COL19A1: variants seen among roughly 807,000 people sequenced by gnomAD.
COL19A1 encodes the protein collagen alpha-1(XIX) chain.
In COL19A1, 159 loss-of-function variants were observed where a neutral mutation model predicts 190.2. The observed-to-expected ratio is 0.84, with a 90% CI of 0.73 to 0.95. The LOEUF is 0.95. COL19A1 is among the 40% of genes least tolerant of loss of function. The pLI is 0.00. For synonymous variants in COL19A1, 509 were observed against 458.9 expected, an observed-to-expected ratio of 1.11 and a Z score of -1.39; for missense variants, 1,418 against 1,431.9, an observed-to-expected ratio of 0.99 and a Z score of 0.16.
At chr6:70,073,201 T>G (rs1251379216) in intron 15 of COL19A1, among the ~76,000 whole-genome samples, 1 of 152,098 alleles carries the variant, frequency 6.6e-6, no homozygotes, top group Non-Finnish European at 1.5e-5. Context: ...TTGGTCAGGC[T>G]GGTCTCAAAC....
At chr6:69,877,199 G>A (rs1236538110) in intron 1 of COL19A1, among the ~76,000 whole-genome samples, 1 of 152,134 alleles carries the variant, frequency 6.6e-6, no homozygotes, top group Non-Finnish European at 1.5e-5. Flanking sequence ...TCTTAGAATA[G>A]CTATTTTAAT....
chr6:69,870,449 A>G (rs1013438979), intron 1 of COL19A1, among the ~76,000 whole-genome samples: 1 of 152,224 alleles, frequency 6.6e-6, no homozygotes, highest in Non-Finnish European at 1.5e-5. Context: ...TTTGAGCTAC[A>G]CGTTGAAGGC....
Position 70,130,197 on chromosome 6 carries a change from G to A in COL19A1, c.1357G>A (p.Glu453Lys), listed in dbSNP as rs1785438096. ...NKDNKGNDEH[E>K]AGGLKGDKGE... ...TCACCCCTAGGGAAATGATGAACAT[G>A]AAGCTGGAGGCCTGAAAGGAGACAA... Residue 453 changes from glutamate to lysine, a missense_variant, in exon 18 of 51, where the codon GAA becomes AAA. Glu to Lys is a moderately conservative substitution (Grantham distance 56). Coordinates refer to ENST00000620364, the MANE Select transcript of COL19A1 (RefSeq NM_001858.6). 1 of 1,611,906 alleles carries A rather than the reference G, an allele frequency of 6.2e-7. No homozygotes were observed. The highest frequency in any genetic ancestry group is 1.1e-5 in the South Asian group (1 of 90,260).
At chr6:70,028,972 A>C (rs117345728) in intron 12 of COL19A1, among the ~76,000 whole-genome samples, 1 of 152,246 alleles carries the variant, frequency 6.6e-6, no homozygotes, top group East Asian at 1.9e-4. Flanking sequence ...AAGTAGACTT[A>C]ATTGTTGAGT....
At chr6:69,993,950 C>G (rs915742117) in intron 11 of COL19A1, among the ~76,000 whole-genome samples, 1 of 150,986 alleles carries the variant, frequency 6.6e-6, no homozygotes, top group Non-Finnish European at 1.5e-5. Context: ...ATCTCTATTT[C>G]CTTTAGTTCA....
chr6:69,897,632 G>A (rs889138457), intron 2 of COL19A1, among the ~76,000 whole-genome samples: 2 of 152,102 alleles, frequency 1.3e-5, no homozygotes, highest in Non-Finnish European at 2.9e-5. Flanking sequence ...TCTCAGGCAT[G>A]TTTTATAGAT....
chr6:69,934,065 G>A (rs1308285871), intron 7 of COL19A1, among the ~76,000 whole-genome samples: 1 of 151,924 alleles, frequency 6.6e-6, no homozygotes, highest in African/African-American at 2.4e-5. Flanking sequence ...TTTGACTTTT[G>A]TAGCTCACTT....
At chr6:69,869,094 A>G (rs758083919) in intron 1 of COL19A1, among the ~76,000 whole-genome samples, 12 of 152,098 alleles carry the variant, frequency 7.9e-5, no homozygotes, top group Non-Finnish European at 1.3e-4. Flanking sequence ...GGCAGGCCAC[A>G]TTGAGGATGT....
At chr6:70,150,469 T>C (rs1786986194) in intron 30 of COL19A1, among the ~76,000 whole-genome samples, 1 of 152,192 alleles carries the variant, frequency 6.6e-6, no homozygotes, top group Admixed American at 6.6e-5. Context: ...TTGCGATGAT[T>C]AAATTATGAA....
At chr6:70,176,847 C>A (rs576481468) in intron 42 of COL19A1, among the ~76,000 whole-genome samples, 1 of 152,310 alleles carries the variant, frequency 6.6e-6, no homozygotes, top group African/African-American at 2.4e-5. Context: ...TTTATGAGCA[C>A]AGCTTTGGAA....
intron 1 of COL19A1, among the ~76,000 whole-genome samples, chr6:69,876,049 T>A (rs1768110197): frequency 6.6e-6 from 1 of 151,836 alleles, no homozygotes; most frequent in Non-Finnish European, 1.5e-5. Context: ...AAAGAGAGTT[T>A]CAGGAAGGAA....
intron 12 of COL19A1, among the ~76,000 whole-genome samples, chr6:70,031,171 T>A (rs1030919855): frequency 1.6e-4 from 24 of 152,200 alleles, no homozygotes; most frequent in African/African-American, 5.5e-4. Context: ...ACACTCCTTT[T>A]ATCTTAGTGA....
intron 23 of COL19A1, among the ~76,000 whole-genome samples, chr6:70,143,849 G>A (rs544845168): frequency 1.3e-5 from 2 of 152,076 alleles, no homozygotes; most frequent in East Asian, 3.9e-4. Context: ...AAGGGAAAGA[G>A]CCACTGTTTC....
intron 14 of COL19A1, among the ~76,000 whole-genome samples, chr6:70,046,913 T>G (rs188289414): frequency 2.0e-4 from 30 of 152,268 alleles, no homozygotes; most frequent in Admixed American, 2.0e-3. Flanking sequence ...ACTGGGTTAT[T>G]AACAACAAAG....
In COL19A1 at chr6:70,050,602, T is replaced by C. The variant is rs553962077; in HGVS notation, c.1170+14663T>C. ...ATTATTAAAGTAAAATATCACCCAA[T>C]CCTACAGTGAAAATATCTACAGAAA... On this transcript the variant is annotated intron_variant, in intron 14 of 50. Coordinates refer to ENST00000620364, the MANE Select transcript of COL19A1 (RefSeq NM_001858.6). Among the ~76,000 whole-genome samples the C allele has an allele frequency of 5.8e-3, 890 of 152,196 alleles. 3 individuals are homozygous for C. Among genetic ancestry groups the C allele is most frequent in the Non-Finnish European group, 9.1e-3 (615 of 67,950 alleles).
chr6:69,907,148 A>C (rs929932043), intron 4 of COL19A1, among the ~76,000 whole-genome samples: 6 of 149,714 alleles, frequency 4.0e-5, no homozygotes, highest in African/African-American at 1.5e-4. Context: ...TCTCCAAAAA[A>C]ACAGAGTCTC....
intron 16 of COL19A1, among the ~76,000 whole-genome samples, chr6:70,107,729 T>A (rs571749945): frequency 2.6e-5 from 4 of 152,298 alleles, no homozygotes; most frequent in African/African-American, 9.6e-5. Flanking sequence ...TCTAGATACG[T>A]CATGAAGAGA....
intron 14 of COL19A1, among the ~76,000 whole-genome samples, chr6:70,067,482 T>C (rs1336773125): frequency 6.6e-6 from 1 of 152,022 alleles, no homozygotes; most frequent in Non-Finnish European, 1.5e-5. Context: ...GGAGGGAGGA[T>C]CCTGAGTTCA....
intron 16 of COL19A1, among the ~76,000 whole-genome samples, chr6:70,102,961 GT>G (rs992653419): frequency 6.6e-6 from 1 of 151,988 alleles, no homozygotes; most frequent in Non-Finnish European, 1.5e-5. Context: ...GCAACATTGG[GT>G]TTTTTTCTCC....
Sources: allele counts gnomAD v4.1 joint callset (sites outside exome capture counted in the v4.1 genomes callset), GRCh38; gene constraint gnomAD v4.1.1; transcripts MANE v1.5; gene names NCBI Gene and HGNC (gene_info 2026-07-23, HGNC 2026-07-21).